The following SUPT3H variants were observed in gnomAD, a reference collection of about 807,000 sequenced individuals.
SUPT3H encodes the protein SPT3 homolog, SAGA and STAGA complex component, also known as transcription initiation protein SPT3 homolog.
In SUPT3H, 44 loss-of-function variants were observed where a neutral mutation model predicts 44.3. The ratio of observed to expected loss-of-function variants is 0.99; its 90% CI spans 0.78 to 1.28. The LOEUF (loss-of-function observed/expected upper bound fraction) is 1.28. SUPT3H is among the 50% of genes most tolerant of loss of function. SUPT3H has a pLI of 0.00. For missense variants in SUPT3H, 380 were observed against 387.1 expected (o/e 0.98, Z 0.15); for synonymous variants, 124 against 125.6 (o/e 0.99, Z 0.09).
At chr6:45,094,573 C>G (rs997701208) in intron 3 of SUPT3H, among the ~76,000 whole-genome samples, 1 of 152,046 alleles carries the variant, frequency 6.6e-6, no homozygotes, top group East Asian at 1.9e-4. Flanking sequence ...CTGTGTCATG[C>G]CTTTAGCAAA....
At chr6:45,120,920 A>G (rs753237396) in intron 2 of SUPT3H, among the ~76,000 whole-genome samples, 1 of 152,206 alleles carries the variant, frequency 6.6e-6, no homozygotes, top group Non-Finnish European at 1.5e-5. Flanking sequence ...TTTGAACAAT[A>G]TTAGAACAAT....
chr6:44,915,648 G>A (rs1055824985), intron 10 of SUPT3H, among the ~76,000 whole-genome samples: 2 of 152,092 alleles, frequency 1.3e-5, no homozygotes, highest in African/African-American at 4.8e-5. Context: ...CTGCTACCTG[G>A]AGGCTTCATC....
rs1160742654 is a variant in SUPT3H, at chr6:44,918,525, T to A, written c.912+14128A>T. On this transcript the variant is annotated intron_variant, in intron 10 of 10. Transcript: ENST00000371459. ...TATAAGTGACTTTACTAGAAGTGGG[T>A]AAGGGCATAAAAATATAAATTCATC... Among the ~76,000 whole-genome samples the A allele has an allele frequency of 2.0e-5, 3 of 152,258 alleles. No homozygotes were observed. In the East Asian group the frequency reaches 5.8e-4, roughly 29 times the overall value.
intron 6 of SUPT3H, among the ~76,000 whole-genome samples, chr6:44,966,208 C>T (rs1230712354): frequency 6.6e-6 from 1 of 152,090 alleles, no homozygotes; most frequent in African/African-American, 2.4e-5. Flanking sequence ...CACTGGCAGT[C>T]CTTTTCTATT....
At chr6:45,037,589 G>A (rs575635689) in intron 3 of SUPT3H, among the ~76,000 whole-genome samples, 224 of 151,742 alleles carry the variant, frequency 1.5e-3, no homozygotes, top group African/African-American at 5.0e-3. Flanking sequence ...GTTTGAACCC[G>A]GGAAGTGGAG....
chr6:45,304,851 A>T (rs968480003), intron 2 of SUPT3H, among the ~76,000 whole-genome samples: 1 of 152,210 alleles, frequency 6.6e-6, no homozygotes, highest in African/African-American at 2.4e-5. Flanking sequence ...TCAATAATGT[A>T]CTTAAAATGA....
At chr6:44,843,442 A>G (rs1771322617) in intron 10 of SUPT3H, among the ~76,000 whole-genome samples, 1 of 152,194 alleles carries the variant, frequency 6.6e-6, no homozygotes, top group African/African-American at 2.4e-5. Context: ...AAGTGCTGAA[A>G]TAAACTGCCA....
At chr6:45,128,977 C>T (rs1027538016) in intron 2 of SUPT3H, among the ~76,000 whole-genome samples, 1 of 152,140 alleles carries the variant, frequency 6.6e-6, no homozygotes, top group Non-Finnish European at 1.5e-5. Context: ...TGGGCCACCA[C>T]GCCTGGCCTC....
chr6:45,334,626 TG>T (rs1223726513), intron 2 of SUPT3H, among the ~76,000 whole-genome samples: 1 of 151,090 alleles, frequency 6.6e-6, no homozygotes, highest in East Asian at 1.9e-4. Context: ...ACAAAATACG[TG>T]TCATATATGT....
intron 2 of SUPT3H, among the ~76,000 whole-genome samples, chr6:45,258,288 G>A (rs1229670128): frequency 1.3e-5 from 2 of 152,090 alleles, no homozygotes; most frequent in Admixed American, 1.3e-4. Flanking sequence ...TTTTCTAAAT[G>A]GGAAAAGGGT....
Position 45,332,271 on chromosome 6 carries a change from A to T in SUPT3H, c.101+32930T>A, listed in dbSNP as rs374130386. Reference sequence around the variant, plus strand: ...CCCCGATTCAAGAGCTGCTCACATGAAAACTGTGGTAATATTTTTATACTG... The same window carrying T: ...CCCCGATTCAAGAGCTGCTCACATGTAAACTGTGGTAATATTTTTATACTG... On this transcript the variant is annotated intron_variant, in intron 2 of 10. Coordinates refer to ENST00000371459, the MANE Select transcript of SUPT3H (RefSeq NM_003599.4). 2.0e-5 allele frequency among the ~76,000 whole-genome samples: 3 copies of T among 151,672 alleles called. No individual in the cohort carries two copies. In the South Asian group the frequency reaches 6.2e-4, roughly 31 times the overall value.
At chr6:45,331,048 C>T (rs1787375857) in intron 2 of SUPT3H, among the ~76,000 whole-genome samples, 1 of 151,796 alleles carries the variant, frequency 6.6e-6, no homozygotes, top group Admixed American at 6.6e-5. Flanking sequence ...TTAGGATTTT[C>T]CTAGGTGAGG....
intron 2 of SUPT3H, among the ~76,000 whole-genome samples, chr6:45,309,472 A>G (rs1281295211): frequency 6.6e-6 from 1 of 151,940 alleles, no homozygotes; most frequent in South Asian, 2.1e-4. Flanking sequence ...AAAAAAAACT[A>G]TGTAACTGAA....
intron 10 of SUPT3H, among the ~76,000 whole-genome samples, chr6:44,903,419 T>C (rs1192180876): frequency 6.6e-6 from 1 of 152,104 alleles, no homozygotes; most frequent in Non-Finnish European, 1.5e-5. Context: ...GCAAATAAAC[T>C]AGAAAATCTA....
intron 10 of SUPT3H, among the ~76,000 whole-genome samples, chr6:44,854,408 T>C (rs921524316): frequency 2.0e-5 from 3 of 152,156 alleles, no homozygotes; most frequent in Non-Finnish European, 4.4e-5. Context: ...ACCACCTATT[T>C]TGAAAAGAAG....
intron 6 of SUPT3H, among the ~76,000 whole-genome samples, chr6:44,992,674 G>A (rs1780754997): frequency 6.6e-6 from 1 of 151,970 alleles, no homozygotes; most frequent in Non-Finnish European, 1.5e-5. Flanking sequence ...AAGGAATAGG[G>A]GGAAGAAAAC....
chr6:45,016,703 A>G (rs1360504769), intron 4 of SUPT3H, among the ~76,000 whole-genome samples: 1 of 151,724 alleles, frequency 6.6e-6, no homozygotes, highest in African/African-American at 2.4e-5. Flanking sequence ...ATAGTATTCC[A>G]TCGTGTATAT....
chr6:45,120,443 A>C (rs1322261255), intron 2 of SUPT3H, among the ~76,000 whole-genome samples: 1 of 140,618 alleles, frequency 7.1e-6, no homozygotes, highest in Non-Finnish European at 1.5e-5. Flanking sequence ...AAAAAAAAAG[A>C]CTATATAAGC....
chr6:44,968,986 T>C (rs1562161198), intron 6 of SUPT3H, among the ~76,000 whole-genome samples: 1 of 152,096 alleles, frequency 6.6e-6, no homozygotes, highest in South Asian at 2.1e-4. Context: ...CACTCCCCCA[T>C]TACTGTGCTG....
Sources: gnomAD v4.1 joint callset for allele counts (sites outside exome capture counted in the v4.1 genomes callset) on GRCh38, gnomAD v4.1.1 for gene constraint, MANE v1.5 for transcripts, NCBI Gene and HGNC (gene_info 2026-07-23, HGNC 2026-07-21) for gene names.